CCDC172: variants seen among roughly 807,000 people sequenced by gnomAD.
The protein encoded by CCDC172 is coiled-coil domain containing 172.
In CCDC172, 30 loss-of-function variants were observed where a neutral mutation model predicts 38.0. The ratio of observed to expected loss-of-function variants is 0.79; its 90% CI spans 0.59 to 1.07. CCDC172 has a LOEUF of 1.07. CCDC172 is among the 50% of genes least tolerant of loss of function. CCDC172 has a pLI of 0.00. For synonymous variants in CCDC172, 78 were observed against 88.3 expected, an observed-to-expected ratio of 0.88 and a Z score of 0.66; for missense variants, 297 against 290.1, an observed-to-expected ratio of 1.02 and a Z score of -0.17.
intron 5 of CCDC172, among the ~76,000 whole-genome samples, chr10:116,348,591 CA>C (rs1246285509): frequency 6.6e-6 from 1 of 152,006 alleles, no homozygotes; most frequent in East Asian, 1.9e-4. Context: ...TTGAGATTGC[CA>C]AAATGTGAAC....
At chr10:116,330,344 A>G (rs1290145059) in intron 3 of CCDC172, among the ~76,000 whole-genome samples, 1 of 152,180 alleles carries the variant, frequency 6.6e-6, no homozygotes, top group African/African-American at 2.4e-5. Flanking sequence ...GTATGTTTCA[A>G]GATGTTTCAG....
intron 7 of CCDC172, among the ~76,000 whole-genome samples, chr10:116,377,433 C>T (rs1409480489): frequency 6.6e-6 from 1 of 152,148 alleles, no homozygotes; most frequent in Non-Finnish European, 1.5e-5. Flanking sequence ...CAACTCCAAA[C>T]CCCCTTTCCT....
At chr10:116,358,400 A>G (rs1845026486) in intron 7 of CCDC172, among the ~76,000 whole-genome samples, 1 of 152,112 alleles carries the variant, frequency 6.6e-6, no homozygotes, top group Non-Finnish European at 1.5e-5. Flanking sequence ...ATTTTTATGC[A>G]TTTGGATAAT....
intron 7 of CCDC172, among the ~76,000 whole-genome samples, chr10:116,358,335 T>C (rs1845025385): frequency 6.6e-6 from 1 of 152,060 alleles, no homozygotes; most frequent in African/African-American, 2.4e-5. Flanking sequence ...CATTTGTTAC[T>C]CTGGTTTTGT....
chr10:116,359,353 C>A (rs1459590848), intron 7 of CCDC172, among the ~76,000 whole-genome samples: 1 of 152,164 alleles, frequency 6.6e-6, no homozygotes, highest in Non-Finnish European at 1.5e-5. Flanking sequence ...TTTTTCATCT[C>A]TGTGTTCAAA....
chr10:116,361,265 G>A (rs77323621), intron 7 of CCDC172, among the ~76,000 whole-genome samples: 5,137 of 151,994 alleles, frequency 0.034, 131 homozygotes, highest in East Asian at 0.11. Context: ...GATTACAGGC[G>A]TGAGCCACTG....
intron 5 of CCDC172, among the ~76,000 whole-genome samples, chr10:116,353,938 G>A (rs927612914): frequency 3.3e-5 from 5 of 152,154 alleles, no homozygotes; most frequent in Non-Finnish European, 4.4e-5. Flanking sequence ...CAGTTTGGCC[G>A]TTTCTCAAAG....
intron 4 of CCDC172, 86 bp from the exon 5 acceptor site, chr10:116,341,950 A>C (rs1844799764): frequency 2.1e-6 from 2 of 933,280 alleles, no homozygotes; most frequent in East Asian, 3.8e-5. Context: ...ATTGTTAATA[A>C]TTCCAAATTA....
chr10:116,342,144 G>GA lies in CCDC172; in HGVS notation c.395dup (p.Asn132LysfsTer5), dbSNP rs764161004. On this transcript the variant is annotated frameshift_variant, in exon 5 of 9. Coordinates refer to ENST00000333254, the MANE Select transcript of CCDC172 (RefSeq NM_198515.3). LOFTEE classifies it high-confidence loss of function. Reference sequence around the variant, plus strand: ...AAAGAAAAGAGAGCTTTTGATGAAAGAAAATGTCAAGATTGAAATATCTGA... The same window carrying GA: ...AAAGAAAAGAGAGCTTTTGATGAAAGAAAAATGTCAAGATTGAAATATCTGA... The GA allele has an allele frequency of 6.5e-7, 1 of 1,546,824 alleles. No homozygotes were observed. Among genetic ancestry groups the GA allele is most frequent in the Admixed American group, 2.4e-5 (1 of 42,414 alleles).
chr10:116,362,382 A>T (rs1195208061), intron 7 of CCDC172, among the ~76,000 whole-genome samples: 1 of 152,196 alleles, frequency 6.6e-6, no homozygotes, highest in East Asian at 1.9e-4. Flanking sequence ...TCATGCTATT[A>T]TATGGAGATG....
chr10:116,367,418 G>C (rs111562284), intron 7 of CCDC172, among the ~76,000 whole-genome samples: 3 of 152,082 alleles, frequency 2.0e-5, no homozygotes, highest in Non-Finnish European at 4.4e-5. Context: ...GGCCAGGCGC[G>C]GTGGCTTATG....
At chr10:116,339,819 A>C (rs1397097354) in intron 3 of CCDC172, among the ~76,000 whole-genome samples, 1 of 151,920 alleles carries the variant, frequency 6.6e-6, no homozygotes, top group Non-Finnish European at 1.5e-5. Flanking sequence ...GCTCTTTACT[A>C]TTCAATATTG....
At chr10:116,338,912 T>G (rs1844761862) in intron 3 of CCDC172, among the ~76,000 whole-genome samples, 1 of 152,076 alleles carries the variant, frequency 6.6e-6, no homozygotes, top group Non-Finnish European at 1.5e-5. Flanking sequence ...ATTCATGAAT[T>G]GCGTTTCTGA....
intron 7 of CCDC172, among the ~76,000 whole-genome samples, chr10:116,365,321 A>G (rs554725148): frequency 2.6e-5 from 4 of 152,166 alleles, no homozygotes; most frequent in Non-Finnish European, 5.9e-5. Context: ...TCTCATTCTT[A>G]TTTTTAGGTA....
At chr10:116,377,753 G>T (rs1025941892) in intron 7 of CCDC172, among the ~76,000 whole-genome samples, 3 of 152,028 alleles carry the variant, frequency 2.0e-5, no homozygotes, top group African/African-American at 7.2e-5. Flanking sequence ...TTTCAGGTGA[G>T]GTTCAGAGAA....
intron 5 of CCDC172, among the ~76,000 whole-genome samples, chr10:116,348,756 C>T (rs1482363771): frequency 6.6e-6 from 1 of 152,172 alleles, no homozygotes; most frequent in East Asian, 1.9e-4. Flanking sequence ...CACCCAGCAG[C>T]TTCTTTGTGC....
At chr10:116,363,228 G>A (rs953558823) in intron 7 of CCDC172, among the ~76,000 whole-genome samples, 1 of 152,080 alleles carries the variant, frequency 6.6e-6, no homozygotes, top group African/African-American at 2.4e-5. Flanking sequence ...CAACCAACCA[G>A]GATTTGGAGG....
At chr10:116,350,867 T>C (rs1844922802) in intron 5 of CCDC172, among the ~76,000 whole-genome samples, 1 of 152,114 alleles carries the variant, frequency 6.6e-6, no homozygotes, top group African/African-American at 2.4e-5. Context: ...AAAAAGTGAT[T>C]GCCACATCAA....
Position 116,325,016 on chromosome 10 carries a change from G to C in CCDC172, c.5G>C (p.Ser2Thr). Reference protein sequence around the residue: MSLESLFQHIIF... With the variant: MTLESLFQHIIF... ...TCGCAGGAGCCAGGCCCTGAGATGA[G>C]CTTGGAGTCCCTGTTTCAGCACATC... The change falls in exon 2 of 9, where the codon AGC (serine) becomes ACC (threonine). Residue 2 changes from serine to threonine, a missense_variant. Coordinates refer to ENST00000333254, the MANE Select transcript of CCDC172 (RefSeq NM_198515.3). The C allele has an allele frequency of 1.2e-6, 2 of 1,614,068 alleles. No individual in the cohort carries two copies. The highest frequency in any genetic ancestry group is 2.2e-5 in the South Asian group (2 of 91,078).
Sources: allele counts gnomAD v4.1 joint callset (sites outside exome capture counted in the v4.1 genomes callset), GRCh38; gene constraint gnomAD v4.1.1; transcripts MANE v1.5; gene names NCBI Gene and HGNC (gene_info 2026-07-23, HGNC 2026-07-21).